Variants in SLC25A41 observed in about 807,000 individuals in gnomAD.
SLC25A41 encodes the protein solute carrier family 25 member 41, also known as mitochondrial carrier protein SCaMC-3L.
A neutral mutation model predicts 34.7 loss-of-function variants in SLC25A41; 35 were observed. That is an observed-to-expected ratio of 1.01 (90% CI 0.77 to 1.34). The LOEUF is 1.34. SLC25A41 is among the 40% of genes most tolerant of loss of function. The pLI is 0.00. For synonymous variants in SLC25A41, 190 were observed against 209.9 expected (o/e 0.91, Z 0.82); for missense variants, 492 against 489.8 (o/e 1.00, Z -0.04).
chr19:6,433,884 T>A (rs79889464), upstream of SLC25A41: 2,771 of 484,696 alleles, frequency 5.7e-3, 64 homozygotes, highest in African/African-American at 0.045. Context: ...CACCTCCTGA[T>A]CCCCCAAACC....
chr19:6,428,391 G>A (rs2145136715), intron 4 of SLC25A41, among the ~76,000 whole-genome samples: 1 of 146,086 alleles, frequency 6.8e-6, no homozygotes, highest in East Asian at 2.0e-4. Flanking sequence ...GGGTGACAGA[G>A]TGAGACTCTC....
intron 6 of SLC25A41, among the ~76,000 whole-genome samples, 152 bp downstream of exon 6, chr19:6,426,951 A>T (rs1444847480): frequency 6.6e-6 from 1 of 152,052 alleles, no homozygotes; most frequent in Non-Finnish European, 1.5e-5. Flanking sequence ...TTTTATATAT[A>T]TATTTTTGAG....
rs2092287990 is a variant in SLC25A41, at chr19:6,432,102, C to T, written c.310G>A (p.Ala104Thr). The T allele has an allele frequency of 6.2e-7, 1 of 1,613,954 alleles. No homozygotes were observed. The highest frequency in any genetic ancestry group is 8.5e-7 in the Non-Finnish European group (1 of 1,179,850). ...GGTGCCGTGCCCGTGCGAGACACCG[C>T]CCCGGCCATAGCTCCTGAGAGTAGA... ...KFLLSGAMAG[A>T]VSRTGTAPLD... Residue 104 changes from alanine to threonine, a missense_variant, in exon 2 of 7, where the codon GCG becomes ACG. Physicochemically the swap from Ala to Thr is moderately conservative, Grantham distance 58. Coordinates refer to ENST00000321510, the MANE Select transcript of SLC25A41 (RefSeq NM_173637.4).
intron 2 of SLC25A41, 136 bp from the exon 3 acceptor site, chr19:6,430,297 T>C: frequency 9.8e-7 from 1 of 1,021,230 alleles, no homozygotes; most frequent in Non-Finnish European, 1.4e-6. Flanking sequence ...CCATTCCTTC[T>C]TCAGCTCCTT....
In SLC25A41 at chr19:6,427,464, T is replaced by C; in HGVS notation, c.662A>G (p.Gln221Arg). ...GGCGCAGTCCAGCAGCCCCTTGTACTGGCCCGTCCGACGCAAGGTCAACCG... is the reference window on the plus strand; with the variant it reads ...GGCGCAGTCCAGCAGCCCCTTGTACCGGCCCGTCCGACGCAAGGTCAACCG... ...KTRLTLRRTGQYKGLLDCARQ... is the reference protein window; with the variant it reads ...KTRLTLRRTGRYKGLLDCARQ... The change falls in exon 5 of 7, where the codon CAG (glutamine) becomes CGG (arginine). Residue 221 changes from glutamine to arginine, a missense_variant. Gln to Arg is a conservative substitution (Grantham distance 43, BLOSUM62 1). Coordinates refer to ENST00000321510, the MANE Select transcript of SLC25A41 (RefSeq NM_173637.4). The surrounding 1 kb of genome is among the most constrained non-coding windows in gnomAD (Gnocchi z 4.9). 1.3e-6 allele frequency: 2 copies of C among 1,580,218 alleles called. No homozygotes were observed. The highest frequency in any genetic ancestry group is 1.7e-4 in the Middle Eastern group (1 of 5,956).
At position 6,430,111 on chromosome 19, in the gene SLC25A41, G is replaced by A; in HGVS notation, c.414C>T (p.Ser138=). 2 of 1,613,452 alleles carry A rather than the reference G, an allele frequency of 1.2e-6. No homozygotes were observed. Among genetic ancestry groups the A allele is most frequent in the Non-Finnish European group, 1.7e-6 (2 of 1,179,682 alleles). ...NFTNLLGGLQ[S]MVQEGGFRSL... is the part of the protein sequence containing the mutation. ...AGCGGAAGCCGCCCTCCTGGACCAT[G>A]CTCTGTAGCCCCCCCAGCAGGTTGG... The change falls in exon 3 of 7, where the codon AGC becomes AGT. Residue 138 remains serine (S), a synonymous_variant. Coordinates refer to ENST00000321510, the MANE Select transcript of SLC25A41 (RefSeq NM_173637.4).
In SLC25A41 at chr19:6,427,549, A is replaced by G. The variant is rs1192884408; in HGVS notation, c.625-48T>C. On this transcript the variant is annotated intron_variant, in intron 4 of 6. Coordinates refer to ENST00000321510, the MANE Select transcript of SLC25A41 (RefSeq NM_173637.4). The surrounding 1 kb of genome is among the most constrained non-coding windows in gnomAD (Gnocchi z 4.9). ...CAGCTCATTTGATTGAATCCTGTCA[A>G]TGACCCTCGGGGTAGCCATTGTCCC... is the stretch of plus-strand genomic sequence containing the variant. 7 of 1,453,254 alleles carry G rather than the reference A, an allele frequency of 4.8e-6. No individual in the cohort carries two copies. Among genetic ancestry groups the G allele is most frequent in the Non-Finnish European group, 6.4e-6 (7 of 1,095,032 alleles). The allele number at this position is 1,453,254 out of a possible 1,614,324, so 90.0% of individuals were successfully genotyped here.
At chr19:6,430,281 C>T (rs1889962414) in intron 2 of SLC25A41, 120 bp from the exon 3 acceptor site, 3 of 1,152,468 alleles carry the variant, frequency 2.6e-6, no homozygotes, top group Non-Finnish European at 3.6e-6. Context: ...CATCCCCATC[C>T]CATCCCCATT....
intron 2 of SLC25A41, 62 bp from the exon 3 acceptor site, chr19:6,430,223 C>A: frequency 6.6e-7 from 1 of 1,512,662 alleles, no homozygotes. Context: ...CCCATCCCTG[C>A]CCCAAGCGCA....
At position 6,429,164 on chromosome 19, in the gene SLC25A41, A is replaced by AT. The variant is rs1491091352; in HGVS notation, c.624+559_624+560insA. ...TATATAATATATATATTATATATATAATATATATATAATATATATATGTTA... is the reference window on the plus strand; with the variant it reads ...TATATAATATATATATTATATATATATATATATATATAATATATATATGTTA... On this transcript the variant is annotated intron_variant, in intron 4 of 6. Transcript: ENST00000321510. Among the ~76,000 whole-genome samples the AT allele has an allele frequency of 6.5e-3, 36 of 5,516 alleles. 3 individuals are homozygous for AT. The highest frequency in any genetic ancestry group is 0.019 in the African/African-American group (30 of 1,560). The allele number at this position is 5,516 out of a possible 152,430, so 3.6% of individuals were successfully genotyped here.
At position 6,427,228 on chromosome 19, in the gene SLC25A41, T is replaced by C; in HGVS notation, c.815A>G (p.Lys272Arg). The change falls in exon 6 of 7, where the codon AAG becomes AGG. Residue 272 changes from lysine (K) to arginine (R), a missense_variant. Transcript: ENST00000321510. This position sits in a 1 kb window ranked among gnomAD's most constrained non-coding sequence, Gnocchi z 4.9. The stretch of plus-strand genomic sequence containing the variant: ...GGGGTCCCCCATATCCCTGCCTGAC[T>C]TCACCCAGAAGCACTGGAGCATCTG... ...VYEMLQCFWVKSGRDMGDPSG... is the reference protein window; with the variant it reads ...VYEMLQCFWVRSGRDMGDPSG... 1 of 1,612,702 alleles carries C rather than the reference T, an allele frequency of 6.2e-7. No homozygotes were observed. Among genetic ancestry groups the C allele is most frequent in the Non-Finnish European group, 8.5e-7 (1 of 1,179,806 alleles).
Position 6,429,051 on chromosome 19 carries a change from ATATATATGT to A in SLC25A41, c.624+664_624+672del, listed in dbSNP as rs1467290357. Among the ~76,000 whole-genome samples, 35 of 53,672 alleles carry A rather than the reference ATATATATGT, an allele frequency of 6.5e-4. 4 individuals are homozygous for A. The highest frequency in any genetic ancestry group is 3.6e-3 in the African/African-American group (34 of 9,570). The allele number at this position is 53,672 out of a possible 152,430, so 35.2% of individuals were successfully genotyped here. A position where few individuals can be genotyped will look rare whatever the true frequency, so the allele number is the denominator to read the frequency against. On this transcript the variant is annotated intron_variant, in intron 4 of 6. Coordinates refer to ENST00000321510, the MANE Select transcript of SLC25A41 (RefSeq NM_173637.4). ...TATATATATATATAATATATATATTATATATATGTTATATATATATATAATATATATATT... is the reference window on the plus strand; with the variant it reads ...TATATATATATATAATATATATATTATATATATATATATAATATATATATT...
At chr19:6,430,492 CTTTTTT>C in intron 2 of SLC25A41, 7 of 357,668 alleles carry the variant, frequency 2.0e-5, no homozygotes, top group South Asian at 4.2e-5. Flanking sequence ...TCCCTTCCTT[CTTTTTT>C]TTTTTTTTTG....
Position 6,430,125 on chromosome 19 carries a change from C to G in SLC25A41, c.400G>C (p.Gly134Arg), listed in dbSNP as rs749504047. Residue 134 changes from glycine (G) to arginine (R), a missense_variant, in exon 3 of 7, where the codon GGG (glycine) becomes CGG (arginine). Coordinates refer to ENST00000321510, the MANE Select transcript of SLC25A41 (RefSeq NM_173637.4). ...SSKTNFTNLL[G>R]GLQSMVQEGG... The stretch of plus-strand genomic sequence containing the variant: ...TCCTGGACCATGCTCTGTAGCCCCC[C>G]CAGCAGGTTGGTGAAGTTCGTCTTG... The G allele has an allele frequency of 2.2e-5, 35 of 1,613,086 alleles. No individual in the cohort carries two copies. In the East Asian group the frequency reaches 3.1e-4, roughly 14 times the overall value.
At chr19:6,431,424 T>TCTATGTTGC (rs2092285018) in intron 2 of SLC25A41, among the ~76,000 whole-genome samples, 1 of 150,680 alleles carries the variant, frequency 6.6e-6, no homozygotes, top group Non-Finnish European at 1.5e-5. Flanking sequence ...TAGCTCCAGT[T>TCTATGTTGC]CTATGTTGCC....
Position 6,429,702 on chromosome 19 carries a change from T to G in SLC25A41, c.624+22A>C, listed in dbSNP as rs200199841. 858 of 1,535,048 alleles carry G rather than the reference T, an allele frequency of 5.6e-4. 13 individuals carry two copies. In the South Asian group the frequency reaches 9.7e-3, roughly 17 times the overall value. ...CTAGTTTCCACGGCGTTTCCTCACC[T>G]GCGGGGCACATGCTCTCTTACCTCC... is the stretch of plus-strand genomic sequence containing the variant. On this transcript the variant is annotated intron_variant, in intron 4 of 6. Transcript: ENST00000321510.
intron 2 of SLC25A41, 116 bp downstream of exon 2, chr19:6,431,933 C>G: frequency 4.6e-6 from 6 of 1,302,538 alleles, no homozygotes; most frequent in Non-Finnish European, 6.3e-6. Context: ...GAGAGCCCAA[C>G]TCCAGCCAGC....
Position 6,427,601 on chromosome 19 carries a change from T to A in SLC25A41, c.625-100A>T. ...ACCCTACAAACAAGGAAAATGAGGC[T>A]CAGGAAGGCAAAGAGCTGGGTTTCA... On this transcript the variant is annotated intron_variant, in intron 4 of 6. Coordinates refer to ENST00000321510, the MANE Select transcript of SLC25A41 (RefSeq NM_173637.4). The surrounding 1 kb of genome is among the most constrained non-coding windows in gnomAD (Gnocchi z 4.9). 1 of 1,320,892 alleles carries A rather than the reference T, an allele frequency of 7.6e-7. No individual in the cohort carries two copies. Among genetic ancestry groups the A allele is most frequent in the East Asian group, 2.8e-5 (1 of 36,074 alleles). The allele number at this position is 1,320,892 out of a possible 1,614,324, so 81.8% of individuals were successfully genotyped here. A position where few individuals can be genotyped will look rare whatever the true frequency, so the allele number is the denominator to read the frequency against.
Position 6,429,145 on chromosome 19 carries a change from A to T in SLC25A41, c.624+579T>A, listed in dbSNP as rs1307851334. 4.1e-4 allele frequency among the ~76,000 whole-genome samples: 21 copies of T among 51,272 alleles called. 2 individuals are homozygous for T. Among genetic ancestry groups the T allele is most frequent in the African/African-American group, 1.9e-3 (17 of 8,788 alleles). 33.6% of individuals were successfully genotyped at this position (51,272 alleles called of 152,430 possible). A position where few individuals can be genotyped will look rare whatever the true frequency, so the allele number is the denominator to read the frequency against. On this transcript the variant is annotated intron_variant, in intron 4 of 6. Transcript: ENST00000321510. ...TATATATATGTTATATATATATATA[A>T]TATATATATTATATATATAATATAT...
Sources: allele counts gnomAD v4.1 joint callset (sites outside exome capture counted in the v4.1 genomes callset), GRCh38; gene constraint gnomAD v4.1.1; non-coding constraint Gnocchi (gnomAD v3.1); transcripts MANE v1.5; gene names NCBI Gene and HGNC (gene_info 2026-07-23, HGNC 2026-07-21).